The following NPLOC4 variants were observed in gnomAD, a reference collection of about 807,000 sequenced individuals.
The protein encoded by NPLOC4 is NPL4 homolog, ubiquitin recognition factor, also known as nuclear protein localization protein 4 homolog.
Under a neutral mutation model 80.6 loss-of-function variants are expected in NPLOC4, and 18 were observed. That is an observed-to-expected ratio of 0.22 (90% confidence interval 0.15 to 0.33). The LOEUF (loss-of-function observed/expected upper bound fraction) is 0.33, where lower values mean the gene tolerates loss of function less well. Among genes scored for constraint, NPLOC4 ranks in the 10% least tolerant of loss-of-function variants. The probability of loss-of-function intolerance (pLI) is 1.00; values close to 1 mark genes in which losing one functional copy is unlikely to be tolerated. For synonymous variants in NPLOC4, 313 were observed against 301.5 expected (o/e 1.04, Z -0.39); for missense variants, 540 against 786.1 (o/e 0.69, Z 3.74).
Position 81,622,150 on chromosome 17 carries a change from C to A in NPLOC4, c.209+16G>T. 1 of 1,581,746 alleles carries A rather than the reference C, an allele frequency of 6.3e-7. No homozygotes were observed. Among genetic ancestry groups the A allele is most frequent in the Non-Finnish European group, 8.7e-7 (1 of 1,150,946 alleles). On this transcript the variant is annotated intron_variant, in intron 3 of 16. Transcript: ENST00000331134. ...ATTTCCCCCCATTCCCTGCTTCCTC[C>A]TCAGAGGACACTTACTTGATTTTTA... is the stretch of plus-strand genomic sequence containing the variant.
At chr17:81,613,191 G>C (rs2035390285) in intron 4 of NPLOC4, 127 bp downstream of exon 4, 1 of 754,944 alleles carries the variant, frequency 1.3e-6, no homozygotes, top group Non-Finnish European at 1.9e-6. Context: ...TCTGAAGATA[G>C]TAAAACTTAA....
chr17:81,628,734 T>C (rs1024688115), intron 2 of NPLOC4, among the ~76,000 whole-genome samples: 16 of 151,978 alleles, frequency 1.1e-4, no homozygotes, highest in Admixed American at 2.0e-4. Context: ...AAGTACATAA[T>C]ATGCAACTAT....
At chr17:81,628,412 G>A (rs1226000901) in intron 2 of NPLOC4, among the ~76,000 whole-genome samples, 1 of 151,176 alleles carries the variant, frequency 6.6e-6, no homozygotes, top group South Asian at 2.1e-4. Flanking sequence ...TACTCGAGAG[G>A]CTTAGGCAGA....
chr17:81,562,296 T>C (rs113723749), intron 16 of NPLOC4: 18,301 of 152,142 alleles, frequency 0.12, 1,274 homozygotes, highest in Non-Finnish European at 0.15. Flanking sequence ...CCCAGCACTT[T>C]GGGAAGCCGA....
At position 81,589,111 on chromosome 17, in the gene NPLOC4, G is replaced by A. The variant is rs1482525817; in HGVS notation, c.1121-7C>T. The A allele has an allele frequency of 1.2e-6, 2 of 1,610,170 alleles. No individual in the cohort carries two copies. Among genetic ancestry groups the A allele is most frequent in the East Asian group, 2.2e-5 (1 of 44,828 alleles). ...ACTTGGTTGTCAGGACCACCTGCAA[G>A]AGAGAGACCTTTAAAAAGAGTCTAC... On this transcript the variant is annotated splice_region_variant and splice_polypyrimidine_tract_variant and intron_variant, in intron 11 of 16. Coordinates refer to ENST00000331134, the MANE Select transcript of NPLOC4 (RefSeq NM_017921.4).
chr17:81,617,986 T>G (rs1473148824), intron 3 of NPLOC4, among the ~76,000 whole-genome samples: 1 of 152,166 alleles, frequency 6.6e-6, no homozygotes, highest in Admixed American at 6.5e-5. Flanking sequence ...TGGAGTGCAG[T>G]GGCGTGATCT....
chr17:81,580,835 A>G lies in NPLOC4; in HGVS notation c.1281+8109T>C, dbSNP rs1005063198. 2.0e-5 allele frequency among the ~76,000 whole-genome samples: 3 copies of G among 152,186 alleles called. No homozygotes were observed. Among genetic ancestry groups the G allele is most frequent in the African/African-American group, 7.2e-5 (3 of 41,450 alleles). On this transcript the variant is annotated intron_variant, in intron 12 of 16. Transcript: ENST00000331134. The surrounding 1 kb of genome is among the most constrained non-coding windows in gnomAD (Gnocchi z 4.4). ...CCGTGAGAGCATCGCACAGTGAATC[A>G]GGTCAGTGCTACCAAGGGCTTGGCC...
intron 13 of NPLOC4, among the ~76,000 whole-genome samples, chr17:81,571,479 T>C (rs1325772748): frequency 1.3e-5 from 2 of 152,220 alleles, no homozygotes; most frequent in African/African-American, 4.8e-5. Context: ...TAAACCACGC[T>C]GAGCCCTCAC....
At chr17:81,634,959 A>AC (rs1171069789) in intron 1 of NPLOC4, among the ~76,000 whole-genome samples, 6 of 151,962 alleles carry the variant, frequency 3.9e-5, no homozygotes, top group Non-Finnish European at 7.4e-5. Context: ...CAATTTTGGG[A>AC]CCCCAAGGTA....
At position 81,567,462 on chromosome 17, in the gene NPLOC4, G is replaced by T. The variant is rs761213947; in HGVS notation, c.1521C>A (p.Phe507Leu). ...SSVFLDTISDFHLLLFLVTNE... is the reference protein window; with the variant it reads ...SSVFLDTISDLHLLLFLVTNE... Reference sequence around the variant, plus strand: ...TGGTGACCAGGAACAGCAAGAGGTGGAAATCTGAGATGGTATCCAAGAACA... The same window carrying T: ...TGGTGACCAGGAACAGCAAGAGGTGTAAATCTGAGATGGTATCCAAGAACA... Residue 507 changes from phenylalanine (F) to leucine (L), a missense_variant, in exon 15 of 17, where the codon TTC becomes TTA. Coordinates refer to ENST00000331134, the MANE Select transcript of NPLOC4 (RefSeq NM_017921.4). This position sits in a 1 kb window ranked among gnomAD's most constrained non-coding sequence, Gnocchi z 4.5. The T allele has an allele frequency of 6.2e-7, 1 of 1,613,646 alleles. No individual in the cohort carries two copies. The highest frequency in any genetic ancestry group is 8.5e-7 in the Non-Finnish European group (1 of 1,179,762).
At chr17:81,618,746 G>A (rs1255727073) in intron 3 of NPLOC4, among the ~76,000 whole-genome samples, 9 of 151,812 alleles carry the variant, frequency 5.9e-5, no homozygotes, top group Admixed American at 3.3e-4. Context: ...GACAATGGCA[G>A]TTTTGTGGAA....
At chr17:81,584,423 TAAAA>T (rs971743198) in intron 12 of NPLOC4, among the ~76,000 whole-genome samples, 3 of 152,088 alleles carry the variant, frequency 2.0e-5, no homozygotes, top group African/African-American at 7.2e-5. Flanking sequence ...CGCATGGAAA[TAAAA>T]AAGCCAATTT....
chr17:81,574,220 T>G (rs959101783), intron 12 of NPLOC4, among the ~76,000 whole-genome samples: 1 of 152,238 alleles, frequency 6.6e-6, no homozygotes, highest in Non-Finnish European at 1.5e-5. Context: ...TGCAGAAACA[T>G]TTTTCCAGCA....
chr17:81,604,801 C>A (rs2035154948), intron 7 of NPLOC4, 74 bp from the exon 8 acceptor site: 3 of 1,324,024 alleles, frequency 2.3e-6, no homozygotes, highest in Non-Finnish European at 3.1e-6. Flanking sequence ...TAACACAAAC[C>A]ATTCATAAAT....
Position 81,565,541 on chromosome 17 carries a change from T to C in NPLOC4, c.1633A>G (p.Arg545Gly). The change falls in exon 16 of 17, where the codon AGG becomes GGG. Residue 545 changes from arginine (R) to glycine (G), a missense_variant. Around this residue, in one of 6 missense-constraint regions of NPLOC4, gnomAD observed 251 missense variants for 377.5 expected, o/e 0.66. Transcript: ENST00000331134. Reference sequence around the variant, plus strand: ...TCGATGGTGGCCCACTGCTCAGACCTCTTCCATGTCTGGGCGAGCTCCTCA... The same window carrying C: ...TCGATGGTGGCCCACTGCTCAGACCCCTTCCATGTCTGGGCGAGCTCCTCA... ...RNEELAQTWK[R>G]SEQWATIEQL... The C allele has an allele frequency of 6.4e-7, 1 of 1,555,056 alleles. No homozygotes were observed.
chr17:81,576,394 G>T (rs1377826760), intron 12 of NPLOC4, among the ~76,000 whole-genome samples: 4 of 152,070 alleles, frequency 2.6e-5, no homozygotes, highest in Non-Finnish European at 5.9e-5. Context: ...CAGTATTCGA[G>T]GGCTAGGAAA....
At chr17:81,570,457 C>T (rs554124284) in intron 13 of NPLOC4, among the ~76,000 whole-genome samples, 59 of 152,284 alleles carry the variant, frequency 3.9e-4, no homozygotes, top group African/African-American at 1.1e-3. Context: ...ATGAAGAAGG[C>T]GGCACCCCCA....
intron 12 of NPLOC4, among the ~76,000 whole-genome samples, chr17:81,581,782 G>C (rs937062954): frequency 6.6e-6 from 1 of 152,224 alleles, no homozygotes; most frequent in African/African-American, 2.4e-5. Flanking sequence ...AAAAGGACTG[G>C]AGGCTGTGTG....
chr17:81,631,446 T>TATATATATACA (rs1568171014), intron 1 of NPLOC4, among the ~76,000 whole-genome samples: 1 of 70,512 alleles, frequency 1.4e-5, no homozygotes, highest in African/African-American at 5.4e-5. Context: ...ATTTTTTTTT[T>TATATATATACA]TTTTTTTTTT....
Sources: gnomAD v4.1 joint callset for allele counts (sites outside exome capture counted in the v4.1 genomes callset) on GRCh38, gnomAD v4.1.1 for gene constraint, gnomAD v4.1.1 regional missense constraint, Gnocchi (gnomAD v3.1) non-coding constraint, MANE v1.5 for transcripts, NCBI Gene and HGNC (gene_info 2026-07-23, HGNC 2026-07-21) for gene names.